COBL: variants seen among roughly 807,000 people sequenced by gnomAD.
COBL encodes protein cordon-bleu.
In COBL, 51 loss-of-function variants were observed where a neutral mutation model predicts 98.8. That is an observed-to-expected ratio of 0.52 (90% CI 0.41 to 0.65). The LOEUF is 0.65. COBL is among the 30% of genes least tolerant of loss of function. The pLI is 0.00. For synonymous variants in COBL, 634 were observed against 651.7 expected, an observed-to-expected ratio of 0.97 and a Z score of 0.41; for missense variants, 1,617 against 1,617.5, an observed-to-expected ratio of 1.00 and a Z score of 0.01.
intron 5 of COBL, among the ~76,000 whole-genome samples, chr7:51,151,565 A>C (rs2129022612): frequency 6.6e-6 from 1 of 152,354 alleles, no homozygotes; most frequent in South Asian, 2.1e-4. Context: ...AGCCTTGTTA[A>C]CCATTCAGAG....
At chr7:51,032,005 CAG>C (rs1235065580) in intron 8 of COBL, 1 of 152,310 alleles carries the variant, frequency 6.6e-6, no homozygotes, top group Non-Finnish European at 1.5e-5. Context: ...AGCCCCCGCA[CAG>C]AGCTCTTTTG....
chr7:51,167,550 C>A (rs1787443919), intron 5 of COBL, among the ~76,000 whole-genome samples: 1 of 151,934 alleles, frequency 6.6e-6, no homozygotes, highest in Admixed American at 6.6e-5. Context: ...ATACCAATGA[C>A]ATTCTTCACA....
At chr7:51,210,689 T>G (rs372936100) in intron 2 of COBL, among the ~76,000 whole-genome samples, 1 of 152,176 alleles carries the variant, frequency 6.6e-6, no homozygotes, top group South Asian at 2.1e-4. Flanking sequence ...GTTTGAAACT[T>G]GGTGTGACCC....
intron 6 of COBL, among the ~76,000 whole-genome samples, chr7:51,128,927 A>G (rs1229056363): frequency 6.6e-6 from 1 of 152,184 alleles, no homozygotes; most frequent in Non-Finnish European, 1.5e-5. Context: ...CCGACCTCGC[A>G]CTGAGGGAAA....
chr7:51,249,510 C>G (rs1195219517), intron 1 of COBL, among the ~76,000 whole-genome samples: 1 of 152,114 alleles, frequency 6.6e-6, no homozygotes, highest in Non-Finnish European at 1.5e-5. Context: ...GGAAAGATTC[C>G]AATGTCACTC....
chr7:51,292,314 C>A (rs934231513), intron 1 of COBL, among the ~76,000 whole-genome samples: 1 of 152,166 alleles, frequency 6.6e-6, no homozygotes, highest in African/African-American at 2.4e-5. Context: ...TGAAATGAAT[C>A]TTCAAATCAA....
At chr7:51,065,256 A>G in intron 7 of COBL, 1 of 703,410 alleles carries the variant, frequency 1.4e-6, no homozygotes. Flanking sequence ...AAATGCTTGA[A>G]AGACCCAAGA....
chr7:51,229,025 C>T (rs1368333677), intron 1 of COBL, among the ~76,000 whole-genome samples: 1 of 152,198 alleles, frequency 6.6e-6, no homozygotes, highest in Non-Finnish European at 1.5e-5. Context: ...TGTTTGCATA[C>T]ATCCCAAGCT....
chr7:51,028,664 G>A lies in COBL; in HGVS notation c.2432C>T (p.Pro811Leu), dbSNP rs146375254. Residue 811 changes from proline (P) to leucine (L), a missense_variant, in exon 10 of 13, where the codon CCC becomes CTC. Pro to Leu is a moderately conservative substitution (Grantham distance 98). This residue lies in a region of COBL where 1,304 missense variants were observed against 1,282.0 expected (regional missense o/e 1.02). Coordinates refer to ENST00000265136, the MANE Select transcript of COBL (RefSeq NM_015198.5). ...CTTCTGCTGGGGCGATATTGGCTTG[G>A]GGTCTGCTTGGAGTCTGCTCTCTGG... ...QNPESRLQADPKPISPQQKSA... is the reference protein window; with the variant it reads ...QNPESRLQADLKPISPQQKSA... The A allele has an allele frequency of 5.3e-4, 853 of 1,612,862 alleles. 5 individuals are homozygous for A. The African/African-American group carries it at 0.01, about 19-fold the overall frequency.
At chr7:51,117,471 C>T (rs561224414) in intron 6 of COBL, among the ~76,000 whole-genome samples, 3 of 151,482 alleles carry the variant, frequency 2.0e-5, no homozygotes, top group Admixed American at 2.0e-4. Flanking sequence ...CTTTTGTTAC[C>T]TTCATTCTGT....
chr7:51,241,427 C>G (rs1795785164), intron 1 of COBL, among the ~76,000 whole-genome samples: 1 of 152,200 alleles, frequency 6.6e-6, no homozygotes, highest in African/African-American at 2.4e-5. Flanking sequence ...GCACTCAGTG[C>G]TGGGCAGAGC....
At chr7:51,316,188 A>T (rs1803563589) in intron 1 of COBL, among the ~76,000 whole-genome samples, 1 of 152,066 alleles carries the variant, frequency 6.6e-6, no homozygotes, top group Admixed American at 6.5e-5. Context: ...GCAAGCCCGC[A>T]GGGAAGAGGC....
intron 5 of COBL, among the ~76,000 whole-genome samples, chr7:51,147,111 G>A (rs754019672): frequency 6.6e-6 from 1 of 152,178 alleles, no homozygotes; most frequent in Non-Finnish European, 1.5e-5. Flanking sequence ...TCAGGACTCC[G>A]CAGCCCTGGG....
At chr7:51,149,100 T>A (rs781551553) in intron 5 of COBL, among the ~76,000 whole-genome samples, 6 of 152,192 alleles carry the variant, frequency 3.9e-5, no homozygotes, top group Admixed American at 1.3e-4. Flanking sequence ...CTTCCCCATA[T>A]GGCCCCACAG....
chr7:51,065,519 A>G, intron 7 of COBL: 2 of 647,800 alleles, frequency 3.1e-6, no homozygotes, highest in Non-Finnish European at 5.6e-6. Context: ...TGGTTCACAT[A>G]CAGTGTTGGG....
At chr7:51,074,902 T>C (rs1792914637) in intron 7 of COBL, among the ~76,000 whole-genome samples, 2 of 152,244 alleles carry the variant, frequency 1.3e-5, no homozygotes, top group African/African-American at 2.4e-5. Flanking sequence ...ATAAAATGCA[T>C]AATACTATTT....
At chr7:51,188,206 G>A (rs1789737235) in intron 4 of COBL, among the ~76,000 whole-genome samples, 1 of 152,244 alleles carries the variant, frequency 6.6e-6, no homozygotes, top group South Asian at 2.1e-4. Context: ...CTCCCACCGG[G>A]GATTCCAGGG....
In COBL at chr7:51,029,377, G is replaced by C; in HGVS notation, c.1719C>G (p.Ala573=). 2 of 1,611,074 alleles carry C rather than the reference G, an allele frequency of 1.2e-6. No individual in the cohort carries two copies. Among genetic ancestry groups the C allele is most frequent in the Non-Finnish European group, 1.7e-6 (2 of 1,177,854 alleles). The change falls in exon 10 of 13, where the codon GCC becomes GCG. Residue 573 remains alanine, a synonymous_variant. Coordinates refer to ENST00000265136, the MANE Select transcript of COBL (RefSeq NM_015198.5). The part of the protein sequence containing the change: ...NAGSFDSEGV[A]SRRDSLAPLQ... ...GTGGCGCCAGGGAGTCTCTCCTGCT[G>C]GCAACACCCTCCGAGTCGAAAGACC...
At position 51,104,233 on chromosome 7, in the gene COBL, A is replaced by T. The variant is rs527981304; in HGVS notation, c.958-18929T>A. On this transcript the variant is annotated intron_variant, in intron 6 of 12. Coordinates refer to ENST00000265136, the MANE Select transcript of COBL (RefSeq NM_015198.5). Reference sequence around the variant, plus strand: ...TTTTAGTATAATGAAGCTACTCTGAATTAAATTTTTAAACCTACATTTTAA... The same window carrying T: ...TTTTAGTATAATGAAGCTACTCTGATTTAAATTTTTAAACCTACATTTTAA... 1.2e-4 allele frequency among the ~76,000 whole-genome samples: 19 copies of T among 152,368 alleles called. 2 individuals carry two copies. The South Asian group carries it at 3.9e-3, about 32-fold the overall frequency.
Sources: gnomAD v4.1 joint callset for allele counts (sites outside exome capture counted in the v4.1 genomes callset) on GRCh38, gnomAD v4.1.1 for gene constraint, gnomAD v4.1.1 regional missense constraint, MANE v1.5 for transcripts, NCBI Gene and HGNC (gene_info 2026-07-23, HGNC 2026-07-21) for gene names.